Variants in GALNTL6 observed in about 807,000 individuals in gnomAD.
The protein encoded by GALNTL6 is polypeptide N-acetylgalactosaminyltransferase-like 6.
A neutral mutation model predicts 73.7 loss-of-function variants in GALNTL6; 46 were observed. The observed-to-expected ratio is 0.62, with a 90% CI of 0.49 to 0.80. The LOEUF is 0.80. Among genes scored for constraint, GALNTL6 ranks in the 30% least tolerant of loss-of-function variants. GALNTL6 has a pLI of 0.00. For synonymous variants in GALNTL6, 259 were observed against 263.7 expected, an observed-to-expected ratio of 0.98 and a Z score of 0.17; for missense variants, 604 against 755.0, an observed-to-expected ratio of 0.80 and a Z score of 2.34.
intron 10 of GALNTL6, among the ~76,000 whole-genome samples, chr4:172,971,111 G>A (rs540422493): frequency 2.6e-5 from 4 of 152,282 alleles, no homozygotes; most frequent in African/African-American, 9.6e-5. Context: ...GTGGGAGCAA[G>A]CTTCTAATAA....
At chr4:172,839,075 A>C (rs186510709) in intron 7 of GALNTL6, among the ~76,000 whole-genome samples, 117 of 152,330 alleles carry the variant, frequency 7.7e-4, no homozygotes, top group African/African-American at 2.8e-3. Flanking sequence ...AGAGTTCATA[A>C]TAAAGGGACT....
chr4:172,989,014 G>T (rs74379746), intron 10 of GALNTL6, among the ~76,000 whole-genome samples: 2,848 of 152,310 alleles, frequency 0.019, 83 homozygotes, highest in African/African-American at 0.065. Context: ...AAATGTGGTG[G>T]CAGGGCCCTC....
intron 5 of GALNTL6, among the ~76,000 whole-genome samples, chr4:172,688,963 A>AGTGGCATCATAATG (rs60258531): frequency 6.6e-6 from 1 of 152,254 alleles, no homozygotes; most frequent in Non-Finnish European, 1.5e-5. Flanking sequence ...CTCCCTACTC[A>AGTGGCATCATAATG]GTAACCCAAA....
chr4:172,454,290 G>A (rs1481199686), intron 5 of GALNTL6, among the ~76,000 whole-genome samples: 1 of 152,102 alleles, frequency 6.6e-6, no homozygotes, highest in Non-Finnish European at 1.5e-5. Flanking sequence ...AAACATAATT[G>A]AGTCAAAAAA....
chr4:172,788,866 G>A (rs1739833646), intron 5 of GALNTL6, among the ~76,000 whole-genome samples: 1 of 151,980 alleles, frequency 6.6e-6, no homozygotes, highest in South Asian at 2.1e-4. Context: ...ATAAGTGTGA[G>A]TATAGATGAA....
chr4:173,030,638 G>A (rs1311397032), intron 12 of GALNTL6, among the ~76,000 whole-genome samples: 2 of 152,064 alleles, frequency 1.3e-5, no homozygotes, highest in Non-Finnish European at 2.9e-5. Flanking sequence ...GAGCAGGACT[G>A]GTAGTTGGCT....
intron 2 of GALNTL6, among the ~76,000 whole-genome samples, chr4:172,088,446 G>A (rs1018413791): frequency 5.9e-5 from 9 of 152,180 alleles, no homozygotes; most frequent in Admixed American, 5.9e-4. Context: ...ACTCAATGTG[G>A]TACAGATGTG....
chr4:172,601,594 C>T (rs1020704001), intron 5 of GALNTL6, among the ~76,000 whole-genome samples: 1 of 152,160 alleles, frequency 6.6e-6, no homozygotes, highest in Non-Finnish European at 1.5e-5. Context: ...ATGCCCCTCT[C>T]CAGAAGCCAT....
intron 2 of GALNTL6, among the ~76,000 whole-genome samples, chr4:171,870,450 T>C (rs1736107073): frequency 6.6e-6 from 1 of 152,196 alleles, no homozygotes; most frequent in African/African-American, 2.4e-5. Flanking sequence ...TAAGCTCCTA[T>C]CTAGCTTGAA....
chr4:172,690,567 G>A (rs778308954), intron 5 of GALNTL6, among the ~76,000 whole-genome samples: 2 of 152,154 alleles, frequency 1.3e-5, no homozygotes, highest in Non-Finnish European at 2.9e-5. Flanking sequence ...CTCAAAGAGT[G>A]AAATCACTTC....
chr4:171,817,930 CATT>C (rs1250568938), intron 2 of GALNTL6, among the ~76,000 whole-genome samples: 2 of 151,266 alleles, frequency 1.3e-5, no homozygotes, highest in Non-Finnish European at 1.5e-5. Context: ...TTAGATGTTA[CATT>C]ATTATAATTG....
At chr4:172,712,067 T>C (rs1042023112) in intron 5 of GALNTL6, among the ~76,000 whole-genome samples, 5 of 152,158 alleles carry the variant, frequency 3.3e-5, no homozygotes, top group Non-Finnish European at 5.9e-5. Flanking sequence ...AATCAATATT[T>C]TTCCATGTAG....
chr4:172,307,412 G>T (rs907872376), intron 3 of GALNTL6, among the ~76,000 whole-genome samples: 1 of 151,996 alleles, frequency 6.6e-6, no homozygotes, highest in Non-Finnish European at 1.5e-5. Context: ...TGGGGTTCTT[G>T]GTCATGAAGT....
At chr4:172,848,475 A>G (rs934352145) in intron 7 of GALNTL6, among the ~76,000 whole-genome samples, 3 of 152,206 alleles carry the variant, frequency 2.0e-5, no homozygotes, top group Non-Finnish European at 4.4e-5. Context: ...CTTAGAATAG[A>G]CACTTAAGAA....
chr4:172,931,659 A>G (rs1748347461), intron 9 of GALNTL6, among the ~76,000 whole-genome samples: 1 of 152,154 alleles, frequency 6.6e-6, no homozygotes, highest in African/African-American at 2.4e-5. Context: ...AGGATCTGTA[A>G]TAAGTCAGAT....
chr4:171,935,613 C>A (rs536288403), intron 2 of GALNTL6, among the ~76,000 whole-genome samples: 2 of 152,098 alleles, frequency 1.3e-5, no homozygotes, highest in Non-Finnish European at 2.9e-5. Context: ...GGGACCACAG[C>A]GACATGCCAC....
intron 2 of GALNTL6, among the ~76,000 whole-genome samples, chr4:172,201,316 C>T (rs930310814): frequency 6.6e-6 from 1 of 151,998 alleles, no homozygotes; most frequent in Non-Finnish European, 1.5e-5. Flanking sequence ...AAGCAATTCC[C>T]CTGCCTCGGC....
At position 172,357,537 on chromosome 4, in the gene GALNTL6, A is replaced by T. The variant is rs11933109; in HGVS notation, c.553+8848A>T. Reference sequence around the variant, plus strand: ...GCATTGGATTAGAGACTAATTAAATACACATCCTTTATTTTCTCATCTTTT... The same window carrying T: ...GCATTGGATTAGAGACTAATTAAATTCACATCCTTTATTTTCTCATCTTTT... On this transcript the variant is annotated intron_variant, in intron 5 of 12. Coordinates refer to ENST00000506823, the MANE Select transcript of GALNTL6 (RefSeq NM_001034845.3). Among the ~76,000 whole-genome samples, 1,242 of 152,118 alleles carry T rather than the reference A, an allele frequency of 8.2e-3. 14 individuals carry two copies. Among genetic ancestry groups the T allele is most frequent in the African/African-American group, 0.028 (1,169 of 41,484 alleles).
At chr4:172,923,679 C>T (rs1273030692) in intron 8 of GALNTL6, among the ~76,000 whole-genome samples, 1 of 152,124 alleles carries the variant, frequency 6.6e-6, no homozygotes, top group Non-Finnish European at 1.5e-5. Flanking sequence ...CTGATAAACA[C>T]ATATCCAACA....
Sources: allele counts gnomAD v4.1 joint callset (sites outside exome capture counted in the v4.1 genomes callset), GRCh38; gene constraint gnomAD v4.1.1; transcripts MANE v1.5; gene names NCBI Gene and HGNC (gene_info 2026-07-23, HGNC 2026-07-21).